The following DCAF1 variants were observed in gnomAD, a reference collection of about 807,000 sequenced individuals.
The protein encoded by DCAF1 is DDB1- and CUL4-associated factor 1.
In DCAF1, 15 loss-of-function variants were observed where a neutral mutation model predicts 128.0. The ratio of observed to expected loss-of-function variants is 0.12; its 90% confidence interval spans 0.08 to 0.18. DCAF1 has a LOEUF of 0.18. DCAF1 is among the 10% of genes least tolerant of loss of function. The probability of loss-of-function intolerance (pLI) is 1.00; values close to 1 mark genes in which losing one functional copy is unlikely to be tolerated. For synonymous variants in DCAF1, 610 were observed against 603.0 expected, an observed-to-expected ratio of 1.01 and a Z score of -0.17; for missense variants, 988 against 1,649.5, an observed-to-expected ratio of 0.60 and a Z score of 6.95.
Position 51,398,665 on chromosome 3 carries a change from T to G in DCAF1, c.*104A>C. The G allele has an allele frequency of 7.5e-6, 11 of 1,475,828 alleles. No homozygotes were observed. Among genetic ancestry groups the G allele is most frequent in the Non-Finnish European group, 1.0e-5 (11 of 1,094,362 alleles). 91.4% of individuals were successfully genotyped at this position (1,475,828 alleles called of 1,614,324 possible). A position where few individuals can be genotyped will look rare whatever the true frequency, so the allele number is the denominator to read the frequency against. On this transcript the variant is annotated 3_prime_UTR_variant, in exon 25 of 25. Transcript: ENST00000684031. ...TTCTGAATGCAGGGCATGCAGCTCC[T>G]TAAAAGACAGACAGCCCTGGGAGAA...
chr3:51,442,307 G>A (rs1701430940), intron 7 of DCAF1, among the ~76,000 whole-genome samples: 2 of 152,138 alleles, frequency 1.3e-5, no homozygotes, highest in South Asian at 4.1e-4. Context: ...ATATTGCCAT[G>A]TATATTATAC....
intron 2 of DCAF1, among the ~76,000 whole-genome samples, chr3:51,490,677 C>T (rs1553657570): frequency 1.3e-5 from 2 of 152,150 alleles, no homozygotes; most frequent in East Asian, 3.9e-4. Flanking sequence ...GTAATCCCAG[C>T]ACTTTGGGAG....
intron 3 of DCAF1, among the ~76,000 whole-genome samples, chr3:51,483,025 G>C (rs1706427404): frequency 6.6e-6 from 1 of 150,558 alleles, no homozygotes. Context: ...TGTAATCCCA[G>C]CTACTCAGGA....
chr3:51,449,408 T>C (rs561610308), intron 6 of DCAF1, among the ~76,000 whole-genome samples: 2 of 152,296 alleles, frequency 1.3e-5, no homozygotes, highest in Admixed American at 6.5e-5. Flanking sequence ...GGTTTCACCA[T>C]GTTGCCCAGG....
intron 1 of DCAF1, among the ~76,000 whole-genome samples, chr3:51,497,982 G>A (rs569095104): frequency 4.8e-5 from 7 of 146,888 alleles, no homozygotes; most frequent in East Asian, 2.0e-4. Context: ...CCTGGGAGGC[G>A]GAGCTTGCAG....
At chr3:51,446,993 T>TAATAATAATAAA (rs1457860366) in intron 6 of DCAF1, among the ~76,000 whole-genome samples, 10 of 147,542 alleles carry the variant, frequency 6.8e-5, no homozygotes, top group South Asian at 2.1e-4. Flanking sequence ...ATAATAATAA[T>TAATAATAATAAA]AATAATAAAA....
At position 51,416,874 on chromosome 3, in the gene DCAF1, AT is replaced by A. The variant is rs782072778; in HGVS notation, c.3519-4del. ...AGTGATCTTCTGTGAAGGAATGCCT[AT>A]GGACAAACAACAGGAGCACTGAAGT... On this transcript the variant is annotated splice_polypyrimidine_tract_variant and splice_region_variant and intron_variant, in intron 17 of 24. Transcript: ENST00000684031. The A allele has an allele frequency of 6.2e-7, 1 of 1,605,040 alleles. No homozygotes were observed. The highest frequency in any genetic ancestry group is 1.1e-5 in the South Asian group (1 of 89,222).
chr3:51,435,567 C>G (rs1268197086), intron 9 of DCAF1, among the ~76,000 whole-genome samples: 2 of 152,012 alleles, frequency 1.3e-5, no homozygotes, highest in South Asian at 4.1e-4. Context: ...AAAAATTAGC[C>G]GGCCATGGTG....
At chr3:51,456,955 G>C (rs1553643014) in intron 6 of DCAF1, among the ~76,000 whole-genome samples, 2 of 152,024 alleles carry the variant, frequency 1.3e-5, no homozygotes, top group African/African-American at 4.8e-5. Context: ...CAACCACAAA[G>C]ATGGGAAAAA....
intron 1 of DCAF1, among the ~76,000 whole-genome samples, chr3:51,497,238 T>C (rs1318069223): frequency 6.6e-6 from 1 of 151,910 alleles, no homozygotes; most frequent in Non-Finnish European, 1.5e-5. Context: ...GAGGTTACAG[T>C]GGGCAAAGAT....
chr3:51,414,280 A>G (rs1698686948), intron 19 of DCAF1, among the ~76,000 whole-genome samples: 1 of 152,270 alleles, frequency 6.6e-6, no homozygotes, highest in Non-Finnish European at 1.5e-5. Context: ...TCCCAACAGT[A>G]GTACTTCATT....
rs575172986 is a variant in DCAF1, at chr3:51,476,135, C to T, written c.111-5130G>A. On this transcript the variant is annotated intron_variant, in intron 3 of 24. Coordinates refer to ENST00000684031, the MANE Select transcript of DCAF1 (RefSeq NM_001387579.1). ...CATAAAAACTGGGAATCGGGCCAGG[C>T]GCAGTGGAGCACTTTGGGAGGCTGA... Among the ~76,000 whole-genome samples the T allele has an allele frequency of 1.4e-4, 21 of 151,840 alleles. No homozygotes were observed. In the South Asian group the frequency reaches 2.7e-3, roughly 20 times the overall value.
intron 24 of DCAF1, among the ~76,000 whole-genome samples, chr3:51,402,810 G>T (rs1328249171): frequency 6.6e-6 from 1 of 152,066 alleles, no homozygotes; most frequent in East Asian, 1.9e-4. Flanking sequence ...CTGACCTCAG[G>T]TGATCCACCC....
chr3:51,459,679 T>C (rs546532462), intron 6 of DCAF1, among the ~76,000 whole-genome samples: 1 of 152,264 alleles, frequency 6.6e-6, no homozygotes, highest in African/African-American at 2.4e-5. Flanking sequence ...GCAAACCAAA[T>C]CCAGCAGCAC....
At chr3:51,411,524 A>T (rs1698416692) in intron 23 of DCAF1, among the ~76,000 whole-genome samples, 1 of 152,168 alleles carries the variant, frequency 6.6e-6, no homozygotes, top group Non-Finnish European at 1.5e-5. Context: ...CCACAAATTA[A>T]AATTCCCTAT....
At position 51,451,841 on chromosome 3, in the gene DCAF1, C is replaced by T. The variant is rs139059174; in HGVS notation, c.376-7938G>A. 4.2e-3 allele frequency among the ~76,000 whole-genome samples: 627 copies of T among 150,602 alleles called. 4 individuals are homozygous for T. The highest frequency in any genetic ancestry group is 0.014 in the African/African-American group (579 of 40,950). On this transcript the variant is annotated intron_variant, in intron 6 of 24. Transcript: ENST00000684031. The stretch of plus-strand genomic sequence containing the variant: ...GTCAACAACTTTTTAAAAACAGTGG[C>T]GGAATAAAACCAACTTAGTACACTG...
intron 9 of DCAF1, among the ~76,000 whole-genome samples, chr3:51,439,887 G>A (rs1553638161): frequency 2.0e-5 from 3 of 151,974 alleles, no homozygotes; most frequent in African/African-American, 7.3e-5. Flanking sequence ...CAGCTACTCA[G>A]GAGGCTGAGG....
intron 2 of DCAF1, among the ~76,000 whole-genome samples, chr3:51,485,889 T>A (rs1296619983): frequency 0.012 from 9 of 764 alleles, no homozygotes; most frequent in African/African-American, 0.022. Context: ...TTATTTATTT[T>A]TTTTTTTTTT....
chr3:51,489,713 G>A (rs1707394865), intron 2 of DCAF1, among the ~76,000 whole-genome samples: 1 of 151,810 alleles, frequency 6.6e-6, no homozygotes, highest in Non-Finnish European at 1.5e-5. Flanking sequence ...CTTGAATCCA[G>A]GAGGCAGAGG....
Sources: gnomAD v4.1 joint callset for allele counts (sites outside exome capture counted in the v4.1 genomes callset) on GRCh38, gnomAD v4.1.1 for gene constraint, MANE v1.5 for transcripts, NCBI Gene and HGNC (gene_info 2026-07-23, HGNC 2026-07-21) for gene names.